Variants in PTPRG observed in about 807,000 individuals in gnomAD.
PTPRG encodes the protein protein tyrosine phosphatase receptor type G.
A neutral mutation model predicts 165.3 loss-of-function variants in PTPRG; 102 were observed. The ratio of observed to expected loss-of-function variants is 0.62; its 90% CI spans 0.53 to 0.73. The LOEUF is 0.73. PTPRG is among the 30% of genes least tolerant of loss of function. The probability of loss-of-function intolerance (pLI) is 0.00; values close to 1 mark genes in which losing one functional copy is unlikely to be tolerated. For missense variants in PTPRG, 1,866 were observed against 1,861.4 expected (o/e 1.00, Z -0.05); for synonymous variants, 675 against 669.5 (o/e 1.01, Z -0.13).
chr3:61,846,115 A>C (rs1056995631), intron 2 of PTPRG, among the ~76,000 whole-genome samples: 29 of 152,338 alleles, frequency 1.9e-4, no homozygotes, highest in Non-Finnish European at 3.8e-4. Context: ...GTGAAGATTA[A>C]AGAAGATCTG....
chr3:62,046,013 T>A (rs1173251754), intron 4 of PTPRG, among the ~76,000 whole-genome samples: 1 of 152,172 alleles, frequency 6.6e-6, no homozygotes, highest in Non-Finnish European at 1.5e-5. Context: ...CAAGATGTGT[T>A]CTGTCCCTTC....
intron 14 of PTPRG, among the ~76,000 whole-genome samples, chr3:62,235,522 C>T (rs1277545247): frequency 6.6e-6 from 1 of 152,184 alleles, no homozygotes; most frequent in African/African-American, 2.4e-5. Flanking sequence ...TTCAGTCAGA[C>T]CTAGGTATCT....
chr3:62,120,426 T>C (rs946273819), intron 5 of PTPRG, among the ~76,000 whole-genome samples: 1 of 152,226 alleles, frequency 6.6e-6, no homozygotes, highest in African/African-American at 2.4e-5. Context: ...TTTAGTCTGC[T>C]GGATGGAAAA....
intron 1 of PTPRG, among the ~76,000 whole-genome samples, chr3:61,732,954 G>T (rs180750610): frequency 1.1e-4 from 16 of 152,244 alleles, no homozygotes; most frequent in Admixed American, 9.2e-4. Flanking sequence ...TGTAGTGTTA[G>T]AATTCTCTTT....
intron 1 of PTPRG, among the ~76,000 whole-genome samples, chr3:61,726,821 G>A (rs1273018941): frequency 6.6e-6 from 1 of 152,160 alleles, no homozygotes; most frequent in Non-Finnish European, 1.5e-5. Flanking sequence ...GCCGAGGCGG[G>A]CGGATCACGA....
Position 61,621,169 on chromosome 3 carries a change from G to A in PTPRG, c.85+58797G>A, listed in dbSNP as rs13089583. Among the ~76,000 whole-genome samples the A allele has an allele frequency of 4.0e-3, 607 of 151,324 alleles. 6 individuals carry two copies. Among genetic ancestry groups the A allele is most frequent in the Non-Finnish European group, 6.6e-3 (447 of 67,870 alleles). On this transcript the variant is annotated intron_variant, in intron 1 of 29. Coordinates refer to ENST00000474889, the MANE Select transcript of PTPRG (RefSeq NM_002841.4). ...AAAGCATGAGGTCAAAACTATTCTG[G>A]ATATAGAAGGCTAAATATTGTTTCC... is the stretch of plus-strand genomic sequence containing the variant.
In PTPRG at chr3:62,215,010, A is replaced by G. The variant is rs138837697; in HGVS notation, c.2156-3841A>G. Among the ~76,000 whole-genome samples the G allele has an allele frequency of 1.1e-4, 16 of 152,268 alleles. No individual in the cohort carries two copies. In the East Asian group the frequency reaches 3.1e-3, roughly 29 times the overall value. On this transcript the variant is annotated intron_variant, in intron 12 of 29. Coordinates refer to ENST00000474889, the MANE Select transcript of PTPRG (RefSeq NM_002841.4). ...AGGAAAGGCACTCCCTGCAGTAGGAATGGGAGGGGCAAAGGCAGAGAGGCG... is the reference window on the plus strand; with the variant it reads ...AGGAAAGGCACTCCCTGCAGTAGGAGTGGGAGGGGCAAAGGCAGAGAGGCG...
At position 61,941,875 on chromosome 3, in the gene PTPRG, C is replaced by A. The variant is rs138411019; in HGVS notation, c.191-47750C>A. Among the ~76,000 whole-genome samples, 495 of 151,854 alleles carry A rather than the reference C, an allele frequency of 3.3e-3. 4 individuals are homozygous for A. The highest frequency in any genetic ancestry group is 0.012 in the African/African-American group (478 of 41,428). On this transcript the variant is annotated intron_variant, in intron 2 of 29. Transcript: ENST00000474889. Reference sequence around the variant, plus strand: ...TTTTTTTCTTTAGAAAGCCAGAATGCTGGCCAGGTGCGGTGGCTCATGCCT... The same window carrying A: ...TTTTTTTCTTTAGAAAGCCAGAATGATGGCCAGGTGCGGTGGCTCATGCCT...
chr3:61,930,193 T>C (rs1165554980), intron 2 of PTPRG, among the ~76,000 whole-genome samples: 1 of 152,194 alleles, frequency 6.6e-6, no homozygotes, highest in Non-Finnish European at 1.5e-5. Context: ...TAAAATTTGA[T>C]GGTGACAGCC....
At chr3:62,251,121 C>G (rs1701404355) in intron 15 of PTPRG, among the ~76,000 whole-genome samples, 1 of 152,194 alleles carries the variant, frequency 6.6e-6, no homozygotes, top group Admixed American at 6.5e-5. Context: ...AGTAAAGTGG[C>G]TCATGCCTAT....
intron 15 of PTPRG, among the ~76,000 whole-genome samples, chr3:62,249,586 T>A (rs1249659765): frequency 6.6e-6 from 1 of 152,150 alleles, no homozygotes; most frequent in Non-Finnish European, 1.5e-5. Context: ...ACCTCTGGAA[T>A]CTTAATGGTA....
At chr3:62,092,447 AAAAAAAAAAAAAG>A (rs1361197469) in intron 5 of PTPRG, among the ~76,000 whole-genome samples, 1 of 150,334 alleles carries the variant, frequency 6.7e-6, no homozygotes, top group Non-Finnish European at 1.5e-5. Flanking sequence ...CTGAAAAAAA[AAAAAAAAAAAAAG>A]AAAAAGACAA....
chr3:61,614,184 G>T (rs923856774), intron 1 of PTPRG, among the ~76,000 whole-genome samples: 3 of 152,124 alleles, frequency 2.0e-5, no homozygotes, highest in Admixed American at 2.0e-4. Context: ...CTTCATGGCT[G>T]GGATGGTTCA....
intron 2 of PTPRG, among the ~76,000 whole-genome samples, chr3:61,843,988 G>C (rs544361419): frequency 6.9e-6 from 1 of 144,330 alleles, no homozygotes; most frequent in African/African-American, 2.6e-5. Context: ...TTTTGAAATG[G>C]AGTCTCATTC....
chr3:62,091,577 T>C (rs1277774533), intron 5 of PTPRG, among the ~76,000 whole-genome samples: 1 of 152,080 alleles, frequency 6.6e-6, no homozygotes, highest in African/African-American at 2.4e-5. Flanking sequence ...AGTAGTGAGT[T>C]CCTCTCCAGG....
intron 5 of PTPRG, among the ~76,000 whole-genome samples, chr3:62,107,626 C>T (rs910127421): frequency 1.5e-4 from 23 of 152,134 alleles, no homozygotes; most frequent in Non-Finnish European, 1.5e-5. Flanking sequence ...CTTAACTGAT[C>T]TTGTAACAGA....
chr3:61,773,191 G>A (rs752273023), intron 2 of PTPRG, among the ~76,000 whole-genome samples: 1 of 152,132 alleles, frequency 6.6e-6, no homozygotes, highest in African/African-American at 2.4e-5. Flanking sequence ...ATTTGGAAGA[G>A]TGTGTTATTG....
At chr3:62,263,168 C>A in intron 17 of PTPRG, 1 of 314,506 alleles carries the variant, frequency 3.2e-6, no homozygotes, top group Non-Finnish European at 5.8e-6. Flanking sequence ...GATGTCATAT[C>A]ACATGTTGGG....
At chr3:61,835,369 C>A (rs182840318) in intron 2 of PTPRG, among the ~76,000 whole-genome samples, 2 of 152,072 alleles carry the variant, frequency 1.3e-5, no homozygotes, top group African/African-American at 2.4e-5. Context: ...CCTACTCCCC[C>A]CTTCCCCAGG....
Sources: allele counts gnomAD v4.1 joint callset (sites outside exome capture counted in the v4.1 genomes callset), GRCh38; gene constraint gnomAD v4.1.1; transcripts MANE v1.5; gene names NCBI Gene and HGNC (gene_info 2026-07-23, HGNC 2026-07-21).